Variants in WDR70 observed in about 807,000 individuals in gnomAD.
The protein encoded by WDR70 is WD repeat domain 70.
In WDR70, 53 loss-of-function variants were observed where a neutral mutation model predicts 88.6. The ratio of observed to expected loss-of-function variants is 0.60; its 90% CI spans 0.48 to 0.75. WDR70 has a LOEUF of 0.75. WDR70 is among the 30% of genes least tolerant of loss of function. The probability of loss-of-function intolerance (pLI) is 0.00; values close to 1 mark genes in which losing one functional copy is unlikely to be tolerated. For missense variants in WDR70, 610 were observed against 823.2 expected (o/e 0.74, Z 3.17); for synonymous variants, 280 against 270.0 (o/e 1.04, Z -0.36).
At chr5:37,637,295 C>T (rs1243922088) in intron 10 of WDR70, among the ~76,000 whole-genome samples, 2 of 150,944 alleles carry the variant, frequency 1.3e-5, no homozygotes, top group Non-Finnish European at 2.9e-5. Flanking sequence ...GAGCCAAGAT[C>T]GCCTGGGCTA....
At chr5:37,624,559 T>G (rs1001810971) in intron 10 of WDR70, among the ~76,000 whole-genome samples, 1 of 152,164 alleles carries the variant, frequency 6.6e-6, no homozygotes, top group Non-Finnish European at 1.5e-5. Flanking sequence ...CCGTAGGGGA[T>G]AAGGGAGAGC....
At chr5:37,681,011 C>G (rs1023495728) in intron 10 of WDR70, among the ~76,000 whole-genome samples, 1 of 152,120 alleles carries the variant, frequency 6.6e-6, no homozygotes, top group African/African-American at 2.4e-5. Flanking sequence ...AGCATTGAAT[C>G]TGTAAATTGC....
chr5:37,467,186 C>T lies in WDR70; in HGVS notation c.687-12648C>T, dbSNP rs1213309467. The stretch of plus-strand genomic sequence containing the variant: ...AGGTTGCAGTGAGCCATGATCGCAC[C>T]ACTGTACTCCAGCCTGGACGACAGA... On this transcript the variant is annotated intron_variant, in intron 7 of 17. Transcript: ENST00000265107. Among the ~76,000 whole-genome samples the T allele has an allele frequency of 9.6e-5, 14 of 145,472 alleles. 1 individual carries two copies.
intron 7 of WDR70, among the ~76,000 whole-genome samples, chr5:37,447,689 A>C (rs1226159704): frequency 6.6e-6 from 1 of 152,232 alleles, no homozygotes; most frequent in Non-Finnish European, 1.5e-5. Context: ...TCCCAAGGAC[A>C]GAAAACCAAA....
At chr5:37,380,682 C>T (rs929826477) in intron 2 of WDR70, among the ~76,000 whole-genome samples, 2 of 152,102 alleles carry the variant, frequency 1.3e-5, no homozygotes, top group East Asian at 3.9e-4. Flanking sequence ...GAGTCTCGCT[C>T]TGTCACCCAG....
At chr5:37,613,981 A>G (rs1002120887) in intron 10 of WDR70, among the ~76,000 whole-genome samples, 3 of 152,222 alleles carry the variant, frequency 2.0e-5, no homozygotes, top group Non-Finnish European at 4.4e-5. Context: ...TTTGTATGGC[A>G]AGCTAAGAAT....
intron 9 of WDR70, among the ~76,000 whole-genome samples, chr5:37,599,630 G>C (rs59565213): frequency 0.048 from 7,374 of 152,232 alleles, 586 homozygotes; most frequent in African/African-American, 0.16. Context: ...GGTGGCTCAC[G>C]CCTATAATCT....
chr5:37,553,133 C>T lies in WDR70; in HGVS notation c.917+36543C>T, dbSNP rs142704484. 3.6e-4 allele frequency among the ~76,000 whole-genome samples: 55 copies of T among 152,274 alleles called. 1 individual carries two copies. The highest frequency in any genetic ancestry group is 1.3e-3 in the African/African-American group (53 of 41,544). On this transcript the variant is annotated intron_variant, in intron 9 of 17. Transcript: ENST00000265107. ...TGCTTTAATAAAAAGGACTTTAAGC[C>T]AACAGAGTAAACTTGATAGTTGGTG...
At chr5:37,625,489 G>C (rs972373813) in intron 10 of WDR70, among the ~76,000 whole-genome samples, 5 of 151,798 alleles carry the variant, frequency 3.3e-5, no homozygotes, top group African/African-American at 1.2e-4. Flanking sequence ...TCTTCTATCT[G>C]TTCAGATCAT....
chr5:37,583,272 A>G (rs1743271145), intron 9 of WDR70, among the ~76,000 whole-genome samples: 1 of 152,046 alleles, frequency 6.6e-6, no homozygotes, highest in African/African-American at 2.4e-5. Context: ...TAAAAATACA[A>G]AAAGTTAGCC....
intron 10 of WDR70, among the ~76,000 whole-genome samples, chr5:37,673,280 A>G (rs1413740788): frequency 6.6e-6 from 1 of 152,008 alleles, no homozygotes; most frequent in Non-Finnish European, 1.5e-5. Context: ...TATGTACCAC[A>G]GTTTCTTTAT....
intron 5 of WDR70, among the ~76,000 whole-genome samples, chr5:37,397,627 T>C (rs1749059204): frequency 1.3e-5 from 2 of 152,326 alleles, no homozygotes; most frequent in South Asian, 4.1e-4. Context: ...TTGTAAATGT[T>C]ATTTGGGAGG....
chr5:37,536,079 C>A (rs750328941), intron 9 of WDR70, among the ~76,000 whole-genome samples: 3 of 152,174 alleles, frequency 2.0e-5, no homozygotes, highest in Non-Finnish European at 4.4e-5. Context: ...TCTTGTAGGG[C>A]ACTACAGTGG....
chr5:37,557,632 C>CTA (rs941436753), intron 9 of WDR70, among the ~76,000 whole-genome samples: 6 of 151,930 alleles, frequency 3.9e-5, no homozygotes, highest in African/African-American at 2.4e-5. Flanking sequence ...GTGGGAGGTA[C>CTA]TATAGACTTA....
In WDR70 at chr5:37,593,257, A is replaced by G. The variant is rs370143613; in HGVS notation, c.918-11807A>G. Among the ~76,000 whole-genome samples the G allele has an allele frequency of 4.6e-5, 7 of 152,136 alleles. 1 individual carries two copies. Among genetic ancestry groups the G allele is most frequent in the Admixed American group, 3.9e-4 (6 of 15,270 alleles). On this transcript the variant is annotated intron_variant, in intron 9 of 17. Transcript: ENST00000265107. ...TGTGCCATGTTGGTTTTCTGCACCC[A>G]TGAACACGTCATTTACATTACGTAT...
intron 11 of WDR70, among the ~76,000 whole-genome samples, chr5:37,699,281 T>A (rs1363166597): frequency 6.6e-6 from 1 of 151,810 alleles, no homozygotes; most frequent in Non-Finnish European, 1.5e-5. Context: ...AAACTAAGTC[T>A]ATTTCAGTCA....
At chr5:37,623,404 G>T (rs1438562339) in intron 10 of WDR70, among the ~76,000 whole-genome samples, 2 of 152,090 alleles carry the variant, frequency 1.3e-5, no homozygotes, top group Non-Finnish European at 2.9e-5. Flanking sequence ...TAGTAAACTA[G>T]ATGCTTTCAG....
chr5:37,563,908 CG>C (rs961807611), intron 9 of WDR70, among the ~76,000 whole-genome samples: 4 of 135,446 alleles, frequency 3.0e-5, no homozygotes, highest in African/African-American at 1.0e-4. Context: ...CGGGCAGAGA[CG>C]CTCCTCACAT....
intron 9 of WDR70, among the ~76,000 whole-genome samples, chr5:37,577,727 A>G (rs1042479072): frequency 2.0e-5 from 3 of 152,132 alleles, no homozygotes; most frequent in East Asian, 1.9e-4. Context: ...ACTCTCCCCA[A>G]GTGATACAGG....
Sources: gnomAD v4.1 joint callset for allele counts (sites outside exome capture counted in the v4.1 genomes callset) on GRCh38, gnomAD v4.1.1 for gene constraint, MANE v1.5 for transcripts, NCBI Gene and HGNC (gene_info 2026-07-23, HGNC 2026-07-21) for gene names.